The following CCDC181 variants were observed in gnomAD, a reference collection of about 807,000 sequenced individuals.
The protein encoded by CCDC181 is coiled-coil domain-containing protein 181.
In CCDC181, 35 loss-of-function variants were observed where a neutral mutation model predicts 58.7. That is an observed-to-expected ratio of 0.60 (90% CI 0.46 to 0.79). The LOEUF is 0.79. CCDC181 is among the 30% of genes least tolerant of loss of function. CCDC181 has a pLI of 0.00. For missense variants in CCDC181, 517 were observed against 583.9 expected, an observed-to-expected ratio of 0.89 and a Z score of 1.18; for synonymous variants, 183 against 197.5, an observed-to-expected ratio of 0.93 and a Z score of 0.62.
At chr1:169,458,462 T>C (rs1003443773) in intron 2 of CCDC181, among the ~76,000 whole-genome samples, 1 of 152,186 alleles carries the variant, frequency 6.6e-6, no homozygotes. Flanking sequence ...AACAATTTGA[T>C]AAAAAGGCAC....
intron 5 of CCDC181, 90 bp downstream of exon 5, chr1:169,397,147 G>A (rs1655088985): frequency 1.6e-6 from 2 of 1,238,828 alleles, no homozygotes; most frequent in Admixed American, 3.0e-5. Context: ...ACATTTTGAG[G>A]GTTTTTTTTT....
chr1:169,422,378 G>T, intron 2 of CCDC181, 65 bp from the exon 3 acceptor site: 5 of 1,171,184 alleles, frequency 4.3e-6, no homozygotes, highest in Non-Finnish European at 5.8e-6. Context: ...ATACAAAATG[G>T]GATTTTTCCT....
rs1657460611 is a variant in CCDC181 at position 169,449,044 on chromosome 1, T to G, written c.-24+10753A>C. On this transcript the variant is annotated intron_variant, in intron 2 of 6. Coordinates refer to the CCDC181 transcript ENST00000545005. ...AGAGTTTCCATTTCTCTGCTTACAT[T>G]CCCCTTCTGTTCATGCCTATTGTCT... Among the ~76,000 whole-genome samples, 2 of 152,202 alleles carry G rather than the reference T, an allele frequency of 1.3e-5. 1 individual carries two copies. Among genetic ancestry groups the G allele is most frequent in the South Asian group, 4.1e-4 (2 of 4,830 alleles).
chr1:169,428,635 GT>G (rs1170657404), upstream of CCDC181, among the ~76,000 whole-genome samples: 3 of 151,822 alleles, frequency 2.0e-5, no homozygotes, highest in Admixed American at 6.6e-5. Context: ...AATATGTAGA[GT>G]TTTTTTGTTT....
intron 2 of CCDC181, among the ~76,000 whole-genome samples, chr1:169,452,922 T>C (rs1657580977): frequency 6.6e-6 from 1 of 152,092 alleles, no homozygotes; most frequent in Non-Finnish European, 1.5e-5. Flanking sequence ...CCCATTCAAG[T>C]CTAAAGCACT....
intron 3 of CCDC181, among the ~76,000 whole-genome samples, chr1:169,421,138 AAC>A (rs752508393): frequency 6.6e-6 from 1 of 152,198 alleles, no homozygotes; most frequent in Non-Finnish European, 1.5e-5. Context: ...GATCTCCGCT[AAC>A]ACAGATCAGT....
chr1:169,409,289 A>G (rs962191002), intron 4 of CCDC181, among the ~76,000 whole-genome samples: 6 of 152,260 alleles, frequency 3.9e-5, no homozygotes, highest in Non-Finnish European at 7.3e-5. Flanking sequence ...AAAGGATATC[A>G]GAGATTGAAG....
chr1:169,402,584 T>C (rs1463662494), intron 4 of CCDC181, among the ~76,000 whole-genome samples: 1 of 152,008 alleles, frequency 6.6e-6, no homozygotes, highest in Non-Finnish European at 1.5e-5. Context: ...AGAAATAAAA[T>C]ACCTTACAGA....
intron 4 of CCDC181, among the ~76,000 whole-genome samples, chr1:169,408,927 A>G (rs1310872249): frequency 6.6e-6 from 1 of 152,232 alleles, no homozygotes; most frequent in Non-Finnish European, 1.5e-5. Context: ...CATAAAGATG[A>G]GGAAAGCCCT....
intron 4 of CCDC181, among the ~76,000 whole-genome samples, chr1:169,415,505 T>TC (rs1656175917): frequency 6.6e-6 from 1 of 152,106 alleles, no homozygotes; most frequent in South Asian, 2.1e-4. Flanking sequence ...ATTCTGATTC[T>TC]CCCCCAAGCC....
At chr1:169,402,504 A>C (rs540208180) in intron 4 of CCDC181, among the ~76,000 whole-genome samples, 4 of 152,282 alleles carry the variant, frequency 2.6e-5, no homozygotes, top group East Asian at 1.9e-4. Context: ...CCAATATTCA[A>C]CATTCTTAAA....
chr1:169,417,138 A>T (rs1411261202), intron 4 of CCDC181, among the ~76,000 whole-genome samples: 1 of 152,188 alleles, frequency 6.6e-6, no homozygotes, highest in Non-Finnish European at 1.5e-5. Flanking sequence ...GACAAGTTTA[A>T]CACCAGCTGG....
chr1:169,438,903 C>T (rs1657128378), intron 2 of CCDC181, among the ~76,000 whole-genome samples: 1 of 152,132 alleles, frequency 6.6e-6, no homozygotes. Context: ...AGAAGGATTC[C>T]AAATCTGATC....
At chr1:169,422,334 A>T in intron 2 of CCDC181, 21 bp from the exon 3 acceptor site, 1 of 1,489,312 alleles carries the variant, frequency 6.7e-7, no homozygotes, top group Non-Finnish European at 9.0e-7. Flanking sequence ...GATATTTTTC[A>T]GTCAAAATTG....
intron 2 of CCDC181, among the ~76,000 whole-genome samples, chr1:169,444,092 G>A (rs1420689619): frequency 6.6e-6 from 1 of 152,136 alleles, no homozygotes; most frequent in African/African-American, 2.4e-5. Context: ...AAGTCAATAT[G>A]CTAACCCTAA....
chr1:169,415,931 T>C (rs1656194999), intron 4 of CCDC181, among the ~76,000 whole-genome samples: 1 of 152,212 alleles, frequency 6.6e-6, no homozygotes, highest in Non-Finnish European at 1.5e-5. Context: ...ACTTTTCTCC[T>C]GAAAACCGGA....
chr1:169,432,350 G>C (rs1056715468), upstream of CCDC181, among the ~76,000 whole-genome samples: 10 of 152,096 alleles, frequency 6.6e-5, no homozygotes, highest in Non-Finnish European at 1.5e-4. Flanking sequence ...GGGACCTGTA[G>C]AACACCACCA....
At position 169,419,129 on chromosome 1, in the gene CCDC181, CTT is replaced by C. The variant is rs1472451386; in HGVS notation, c.1097_1098del (p.Lys366ArgfsTer7). ...EEERRKIEEE[K>X]EKKRENDIVF... ...ACTATGTCATTCTCTCTCTTTTTTT[CTT>C]TCTCTTCTTCTATTTTTCGTCGCTC... On this transcript the variant is annotated frameshift_variant, in exon 4 of 6. Coordinates refer to ENST00000367806, the MANE Select transcript of CCDC181 (RefSeq NM_001300969.2). LOFTEE classifies it high-confidence loss of function. 1.2e-6 allele frequency: 2 copies of C among 1,604,326 alleles called. No homozygotes were observed. The highest frequency in any genetic ancestry group is 1.1e-5 in the South Asian group (1 of 88,712).
upstream of CCDC181, among the ~76,000 whole-genome samples, chr1:169,431,655 T>G (rs1238511254): frequency 2.0e-5 from 3 of 152,202 alleles, no homozygotes; most frequent in African/African-American, 7.2e-5. Context: ...ATTTCAGCTC[T>G]TAGTTCAGTA....
Sources: allele counts gnomAD v4.1 joint callset (sites outside exome capture counted in the v4.1 genomes callset), GRCh38; gene constraint gnomAD v4.1.1; transcripts MANE v1.5; gene names NCBI Gene and HGNC (gene_info 2026-07-23, HGNC 2026-07-21).